DDI2: variants seen among roughly 807,000 people sequenced by gnomAD.
DDI2 encodes the protein protein DDI1 homolog 2.
In DDI2, 5 loss-of-function variants were observed where a neutral mutation model predicts 48.1. That is an observed-to-expected ratio of 0.10 (90% CI 0.05 to 0.22). The LOEUF is 0.22. Among genes scored for constraint, DDI2 ranks in the 10% least tolerant of loss-of-function variants. DDI2 has a pLI of 1.00. For missense variants in DDI2, 285 were observed against 506.2 expected (o/e 0.56, Z 4.19); for synonymous variants, 205 against 183.6 (o/e 1.12, Z -0.94).
At chr1:15,625,719 A>G (rs557587362) in intron 1 of DDI2, among the ~76,000 whole-genome samples, 1 of 152,220 alleles carries the variant, frequency 6.6e-6, no homozygotes, top group Non-Finnish European at 1.5e-5. Flanking sequence ...CCCGGGTTTA[A>G]GCAATTCTCC....
In DDI2 at chr1:15,656,326, C is replaced by G. The variant is rs563257453; in HGVS notation, c.1184-291C>G. The stretch of plus-strand genomic sequence containing the variant: ...TAATTCGATCAGGTGGATCTACTTT[C>G]TTCACCTGTCTCACATTTGCCCGTG... On this transcript the variant is annotated intron_variant, in intron 8 of 9. Coordinates refer to ENST00000480945, the MANE Select transcript of DDI2 (RefSeq NM_032341.5). 1.3e-5 allele frequency: 14 copies of G among 1,072,404 alleles called. No individual in the cohort carries two copies. The African/African-American group carries it at 1.8e-4, about 14-fold the overall frequency. The allele number at this position is 1,072,404 out of a possible 1,614,324, so 66.4% of individuals were successfully genotyped here.
chr1:15,624,053 AAAAT>A (rs68060891), intron 1 of DDI2, among the ~76,000 whole-genome samples: 57 of 152,212 alleles, frequency 3.7e-4, no homozygotes, highest in Middle Eastern at 3.4e-3. Context: ...ACTCCGTCTC[AAAAT>A]AAATAAATAA....
intron 2 of DDI2, among the ~76,000 whole-genome samples, chr1:15,627,903 G>C (rs1005356817): frequency 1.3e-5 from 2 of 152,118 alleles, no homozygotes; most frequent in African/African-American, 4.8e-5. Flanking sequence ...CACCAGATCT[G>C]GAAGACATTA....
At chr1:15,654,741 TAAGTA>T (rs1423848978) in intron 8 of DDI2, among the ~76,000 whole-genome samples, 3 of 152,038 alleles carry the variant, frequency 2.0e-5, no homozygotes, top group Non-Finnish European at 2.9e-5. Context: ...GGTTGTAACT[TAAGTA>T]TTTTGTAGGA....
At chr1:15,646,272 A>G (rs947355156) in intron 6 of DDI2, among the ~76,000 whole-genome samples, 2 of 152,176 alleles carry the variant, frequency 1.3e-5, no homozygotes, top group African/African-American at 2.4e-5. Context: ...ACCAGTTCCT[A>G]TGCTCCATAG....
chr1:15,618,386 G>A (rs1233445355), intron 1 of DDI2, among the ~76,000 whole-genome samples: 3 of 151,548 alleles, frequency 2.0e-5, no homozygotes, highest in Non-Finnish European at 2.9e-5. Context: ...CTTTGGAAAT[G>A]CTCTTTACCC....
At chr1:15,625,013 T>C (rs1175420542) in intron 1 of DDI2, among the ~76,000 whole-genome samples, 2 of 152,182 alleles carry the variant, frequency 1.3e-5, no homozygotes, top group Non-Finnish European at 2.9e-5. Context: ...TCAGAAGAAT[T>C]TGATTTTGGT....
intron 7 of DDI2, among the ~76,000 whole-genome samples, chr1:15,651,410 G>A (rs574537411): frequency 3.7e-4 from 56 of 151,494 alleles, no homozygotes; most frequent in Non-Finnish European, 7.1e-4. Flanking sequence ...CCTCTGCCTC[G>A]CAGGTTCAAG....
chr1:15,661,679 C>G lies in DDI2; in HGVS notation c.*1889C>G. 3 of 1,613,476 alleles carry G rather than the reference C, an allele frequency of 1.9e-6. No individual in the cohort carries two copies. The highest frequency in any genetic ancestry group is 2.5e-6 in the Non-Finnish European group (3 of 1,179,596). ...CGAGTTGGTGGGAATGCAGACCTTG[C>G]ACTTCTTGTTTTGCTCGCAAAAAAC... is the stretch of plus-strand genomic sequence containing the variant. On this transcript the variant is annotated 3_prime_UTR_variant, in exon 10 of 10. Coordinates refer to ENST00000480945, the MANE Select transcript of DDI2 (RefSeq NM_032341.5).
intron 6 of DDI2, among the ~76,000 whole-genome samples, chr1:15,644,704 C>G (rs1004534243): frequency 1.4e-5 from 2 of 147,836 alleles, no homozygotes; most frequent in African/African-American, 2.5e-5. Context: ...CACCATTCTC[C>G]TACCTCAGCC....
chr1:15,620,667 C>A (rs184172926), intron 1 of DDI2, among the ~76,000 whole-genome samples: 2 of 152,192 alleles, frequency 1.3e-5, no homozygotes, highest in African/African-American at 4.8e-5. Context: ...TAAAATGTTT[C>A]AGATTATGCT....
chr1:15,643,448 T>C (rs1640041038), intron 5 of DDI2, 74 bp from the exon 6 acceptor site: 4 of 1,568,526 alleles, frequency 2.6e-6, no homozygotes, highest in Non-Finnish European at 3.5e-6. Context: ...TTTGTTATTA[T>C]TTAGTGCTAT....
chr1:15,662,130 G>A lies in DDI2; in HGVS notation c.*2340G>A, dbSNP rs1640392994. 6.2e-6 allele frequency: 1 copy of A among 160,602 alleles called. No individual in the cohort carries two copies. The highest frequency in any genetic ancestry group is 2.4e-5 in the African/African-American group (1 of 41,542). 9.9% of individuals were successfully genotyped at this position (160,602 alleles called of 1,614,324 possible). ...AAAACAGATGAACTCTCCACACTGTGACTGTGTGTCTGTGCTGATGGCAAG... is the reference window on the plus strand; with the variant it reads ...AAAACAGATGAACTCTCCACACTGTAACTGTGTGTCTGTGCTGATGGCAAG... On this transcript the variant is annotated 3_prime_UTR_variant, in exon 10 of 10. Transcript: ENST00000480945.
rs201289209 is a variant in DDI2, at chr1:15,630,299, T to C, written c.269-26T>C. ...GCTTGTTTTTGTAGAGTAATTTGAG[T>C]AAACTGAATTGATTTTCCCCAACAG... On this transcript the variant is annotated intron_variant, in intron 2 of 9. Coordinates refer to ENST00000480945, the MANE Select transcript of DDI2 (RefSeq NM_032341.5). 1.2e-4 allele frequency: 191 copies of C among 1,608,410 alleles called. 2 individuals carry two copies. The African/African-American group carries it at 2.1e-3, about 18-fold the overall frequency.
chr1:15,641,960 A>G (rs74478688), intron 5 of DDI2, among the ~76,000 whole-genome samples: 3 of 149,320 alleles, frequency 2.0e-5, no homozygotes, highest in African/African-American at 2.4e-5. Flanking sequence ...AGTCTCAAAA[A>G]AAAAAAAAAA....
intron 9 of DDI2, chr1:15,656,942 C>G (rs1640282749): frequency 3.0e-6 from 1 of 333,748 alleles, no homozygotes; most frequent in Admixed American, 4.6e-5. Context: ...TATATCTACC[C>G]CATCTTGGCT....
intron 2 of DDI2, 97 bp downstream of exon 2, chr1:15,626,895 A>G (rs2103463102): frequency 1.4e-6 from 2 of 1,425,322 alleles, no homozygotes; most frequent in Non-Finnish European, 1.9e-6. Context: ...GATTCAGACT[A>G]CAGAATACAG....
chr1:15,632,880 A>G (rs1639866364), intron 3 of DDI2, among the ~76,000 whole-genome samples: 1 of 150,804 alleles, frequency 6.6e-6, no homozygotes, highest in Admixed American at 6.6e-5. Flanking sequence ...ACAATATGAT[A>G]GATAACTTCT....
Position 15,651,756 on chromosome 1 carries a change from C to T in DDI2, c.1044C>T (p.Ser348=). 3 of 1,613,778 alleles carry T rather than the reference C, an allele frequency of 1.9e-6. No individual in the cohort carries two copies. The highest frequency in any genetic ancestry group is 2.2e-5 in the East Asian group (1 of 44,872). Residue 348 remains serine (S), a synonymous_variant, in exon 8 of 10, where the codon TCC becomes TCT. Transcript: ENST00000480945. ...KNVLVIGTTG[S]QTTFLPEGEL... ...TACTCGTGATCGGCACCACAGGCTC[C>T]CAGACCACCTTTCTTCCTGAGGGAG...
Sources: gnomAD v4.1 joint callset for allele counts (sites outside exome capture counted in the v4.1 genomes callset) on GRCh38, gnomAD v4.1.1 for gene constraint, MANE v1.5 for transcripts, NCBI Gene and HGNC (gene_info 2026-07-23, HGNC 2026-07-21) for gene names.